CERT1: variants seen among roughly 807,000 people sequenced by gnomAD.
The protein encoded by CERT1 is ceramide transporter 1.
CERT1 carries 31 observed loss-of-function variants against 87.9 expected under a neutral mutation model. The observed-to-expected ratio is 0.35, with a 90% CI of 0.27 to 0.48. The LOEUF (loss-of-function observed/expected upper bound fraction) is 0.48. Ranked by LOEUF, CERT1 falls within the 20% of genes least tolerant of loss-of-function variation. The pLI, the probability that CERT1 is intolerant of heterozygous loss-of-function variation, is 0.99. For missense variants in CERT1, 487 were observed against 758.0 expected, an observed-to-expected ratio of 0.64 and a Z score of 4.20; for synonymous variants, 289 against 250.9, an observed-to-expected ratio of 1.15 and a Z score of -1.44.
chr5:75,504,382 A>T (rs562478037), intron 2 of CERT1, among the ~76,000 whole-genome samples: 1 of 152,316 alleles, frequency 6.6e-6, no homozygotes, highest in South Asian at 2.1e-4. Flanking sequence ...GCGTAGTTTC[A>T]TTATCAACAC....
chr5:75,498,090 C>A (rs145269083), intron 2 of CERT1, among the ~76,000 whole-genome samples: 4 of 152,106 alleles, frequency 2.6e-5, no homozygotes, highest in Non-Finnish European at 5.9e-5. Context: ...AAGAGACTGG[C>A]GGCATTTTGC....
intron 8 of CERT1, among the ~76,000 whole-genome samples, chr5:75,403,470 A>G (rs910915854): frequency 2.0e-5 from 3 of 152,280 alleles, no homozygotes; most frequent in African/African-American, 4.8e-5. Flanking sequence ...TGGTGTCCAT[A>G]AAGTTTTACT....
At position 75,486,901 on chromosome 5, in the gene CERT1, T is replaced by C. The variant is rs146079623; in HGVS notation, c.231+19081A>G. 1.3e-3 allele frequency among the ~76,000 whole-genome samples: 202 copies of C among 152,224 alleles called. 2 individuals are homozygous for C. Among genetic ancestry groups the C allele is most frequent in the African/African-American group, 4.6e-3 (192 of 41,554 alleles). On this transcript the variant is annotated intron_variant, in intron 2 of 16. Transcript: ENST00000643780. The stretch of plus-strand genomic sequence containing the variant: ...AGAATCAATATTGTTAAAATGTCCA[T>C]ACTACCCAAAACAATCTACAGATTT...
At chr5:75,510,908 G>C (rs1001303488) in intron 1 of CERT1, among the ~76,000 whole-genome samples, 1 of 152,054 alleles carries the variant, frequency 6.6e-6, no homozygotes, top group Admixed American at 6.5e-5. Context: ...CCCTTTCCCT[G>C]GTCCTCGGCT....
chr5:75,511,712 T>C, upstream of CERT1: 1 of 1,543,500 alleles, frequency 6.5e-7, no homozygotes, highest in Non-Finnish European at 8.8e-7. Context: ...CCTCCCGGCG[T>C]CTGACGCGAC....
chr5:75,391,380 C>A (rs553509455), intron 11 of CERT1, among the ~76,000 whole-genome samples: 12 of 152,290 alleles, frequency 7.9e-5, no homozygotes, highest in African/African-American at 2.9e-4. Context: ...ATCTGTCAAT[C>A]ATCAAAAAGA....
chr5:75,453,121 T>G lies in CERT1; in HGVS notation c.348+5944A>C, dbSNP rs943397297. Among the ~76,000 whole-genome samples the G allele has an allele frequency of 3.3e-5, 5 of 152,182 alleles. No individual in the cohort carries two copies. The East Asian group carries it at 7.7e-4, about 23-fold the overall frequency. On this transcript the variant is annotated intron_variant, in intron 3 of 16. Transcript: ENST00000643780. ...TCATACAGTCATTTCGTTAAAACTT[T>G]TCTTGTAGTGAGCAACCATTCTAGA...
rs548360561 is a variant in CERT1, at chr5:75,482,257, T to C, written c.232-23076A>G. On this transcript the variant is annotated intron_variant, in intron 2 of 16. Coordinates refer to ENST00000643780, the MANE Select transcript of CERT1 (RefSeq NM_001379029.1). ...AGAGCCCTTGGACCTTGAGTGAACA[T>C]TGGCAGTATCCAGGCAGTACTCATT... Among the ~76,000 whole-genome samples, 13 of 152,180 alleles carry C rather than the reference T, an allele frequency of 8.5e-5. 1 individual carries two copies. The South Asian group carries it at 1.2e-3, about 15-fold the overall frequency.
chr5:75,457,036 C>T (rs1264747699), intron 3 of CERT1, among the ~76,000 whole-genome samples: 1 of 152,170 alleles, frequency 6.6e-6, no homozygotes, highest in African/African-American at 2.4e-5. Context: ...TAAAGGTCAT[C>T]TCCATTAAAA....
At chr5:75,484,766 T>C (rs1032365610) in intron 2 of CERT1, among the ~76,000 whole-genome samples, 1 of 151,924 alleles carries the variant, frequency 6.6e-6, no homozygotes, top group Non-Finnish European at 1.5e-5. Context: ...GAGACCATTA[T>C]ACAATAGCTG....
chr5:75,415,089 T>C (rs1763085547), intron 7 of CERT1, among the ~76,000 whole-genome samples: 1 of 152,094 alleles, frequency 6.6e-6, no homozygotes, highest in Admixed American at 6.6e-5. Context: ...AGTTCTTGAA[T>C]AGAGTTGCTT....
At chr5:75,381,685 T>G (rs1223678200) in intron 15 of CERT1, among the ~76,000 whole-genome samples, 1 of 152,136 alleles carries the variant, frequency 6.6e-6, no homozygotes, top group African/African-American at 2.4e-5. Context: ...AGTAGCCTAC[T>G]GCCCAGTGTA....
chr5:75,445,624 A>G (rs1021651814), intron 3 of CERT1, among the ~76,000 whole-genome samples: 2 of 152,132 alleles, frequency 1.3e-5, no homozygotes, highest in African/African-American at 4.8e-5. Context: ...CACACCTGCT[A>G]TCTCCTTCTC....
At chr5:75,497,505 C>T (rs1180459391) in intron 2 of CERT1, among the ~76,000 whole-genome samples, 1 of 152,096 alleles carries the variant, frequency 6.6e-6, no homozygotes, top group Non-Finnish European at 1.5e-5. Flanking sequence ...GCATCCCCAT[C>T]CAAATCTCAT....
chr5:75,481,913 A>T (rs1005728560), intron 2 of CERT1, among the ~76,000 whole-genome samples: 1 of 152,222 alleles, frequency 6.6e-6, no homozygotes, highest in Non-Finnish European at 1.5e-5. Context: ...TATGAATCAC[A>T]ATCTAGTAGG....
rs146215077 is a variant in CERT1, at chr5:75,394,434, G to A, written c.1189-4747C>T. Among the ~76,000 whole-genome samples the A allele has an allele frequency of 1.6e-4, 25 of 152,324 alleles. 1 individual carries two copies. In the East Asian group the frequency reaches 4.6e-3, roughly 28 times the overall value. On this transcript the variant is annotated intron_variant, in intron 11 of 16. Transcript: ENST00000643780. ...ACTCAGGCTGAGGCAAAGATCGCTT[G>A]AGGTTGCAGTGAGCTATGATTGTGC... is the stretch of plus-strand genomic sequence containing the variant.
At chr5:75,457,926 GGTGT>G (rs1234118888) in intron 3 of CERT1, among the ~76,000 whole-genome samples, 4 of 146,218 alleles carry the variant, frequency 2.7e-5, no homozygotes, top group South Asian at 2.2e-4. Context: ...GTGTGTGTGT[GGTGT>G]GTGTGTGTGT....
intron 8 of CERT1, among the ~76,000 whole-genome samples, chr5:75,405,576 TG>T (rs1256697947): frequency 1.3e-5 from 2 of 152,184 alleles, no homozygotes; most frequent in Admixed American, 1.3e-4. Context: ...GGCCTAATCT[TG>T]GATTCCTTCC....
intron 6 of CERT1, among the ~76,000 whole-genome samples, chr5:75,417,840 T>C (rs1056409075): frequency 6.6e-6 from 1 of 152,198 alleles, no homozygotes; most frequent in Admixed American, 6.5e-5. Flanking sequence ...CCAGAATATA[T>C]GAAGTAACCT....
Sources: gnomAD v4.1 joint callset for allele counts (sites outside exome capture counted in the v4.1 genomes callset) on GRCh38, gnomAD v4.1.1 for gene constraint, MANE v1.5 for transcripts, NCBI Gene and HGNC (gene_info 2026-07-23, HGNC 2026-07-21) for gene names.